The following ZBBX variants were observed in gnomAD, a reference collection of about 807,000 sequenced individuals.
ZBBX encodes zinc finger B-box domain containing.
A neutral mutation model predicts 108.5 loss-of-function variants in ZBBX; 101 were observed. The observed-to-expected ratio is 0.93, with a 90% CI of 0.79 to 1.10. The LOEUF is 1.10. ZBBX is among the 50% of genes least tolerant of loss of function. The pLI, the probability that ZBBX is intolerant of heterozygous loss-of-function variation, is 0.00. For synonymous variants in ZBBX, 356 were observed against 323.4 expected (o/e 1.10, Z -1.08); for missense variants, 1,009 against 941.4 (o/e 1.07, Z -0.94).
chr3:167,391,654 G>A (rs866453316), intron 1 of ZBBX, among the ~76,000 whole-genome samples: 1 of 151,176 alleles, frequency 6.6e-6, no homozygotes, highest in African/African-American at 2.4e-5. Flanking sequence ...TTGCCTTTTT[G>A]GAACATGATT....
At position 167,297,981 on chromosome 3, in the gene ZBBX, T is replaced by C. The variant is rs1054502082; in HGVS notation, c.1879+324A>G. On this transcript the variant is annotated intron_variant, in intron 18 of 21. Transcript: ENST00000675490. ...AAACACCAACCAGATGCTGGCACCA[T>C]ACTACTTATACAGCTTGCAGAACTC... 5.9e-5 allele frequency among the ~76,000 whole-genome samples: 9 copies of C among 152,142 alleles called. 1 individual carries two copies. The highest frequency in any genetic ancestry group is 2.0e-4 in the Admixed American group (3 of 15,260).
intron 1 of ZBBX, among the ~76,000 whole-genome samples, chr3:167,400,013 C>T (rs1435800366): frequency 1.3e-5 from 2 of 152,154 alleles, no homozygotes; most frequent in African/African-American, 4.8e-5. Flanking sequence ...CCAGCTACAA[C>T]CATGTTGCTG....
intron 1 of ZBBX, among the ~76,000 whole-genome samples, chr3:167,387,117 A>G (rs1299991472): frequency 6.6e-6 from 1 of 152,056 alleles, no homozygotes; most frequent in East Asian, 1.9e-4. Flanking sequence ...CCATTTTCAC[A>G]TTAATTCAGA....
chr3:167,347,999 T>C (rs984893454), intron 9 of ZBBX, among the ~76,000 whole-genome samples: 4 of 152,016 alleles, frequency 2.6e-5, no homozygotes, highest in African/African-American at 9.7e-5. Flanking sequence ...ATGTAATCCA[T>C]GTATGCTAAC....
chr3:167,299,489 G>A (rs1206496429), intron 17 of ZBBX, among the ~76,000 whole-genome samples: 1 of 152,040 alleles, frequency 6.6e-6, no homozygotes, highest in East Asian at 1.9e-4. Context: ...ATCTGGAAGA[G>A]TTTTGAATGT....
chr3:167,212,385 A>C, the ZBBX span, among the ~76,000 whole-genome samples: 1 of 152,178 alleles, frequency 6.6e-6, no homozygotes, highest in African/African-American at 2.4e-5. Flanking sequence ...CAAAGACTGT[A>C]GGAACAACTG....
intron 10 of ZBBX, among the ~76,000 whole-genome samples, chr3:167,331,114 C>G (rs1029903907): frequency 1.5e-4 from 23 of 151,956 alleles, no homozygotes; most frequent in South Asian, 2.1e-4. Flanking sequence ...GACTACAGAA[C>G]AGTAGAAAAT....
At chr3:167,366,700 G>GT (rs1163102138) in intron 5 of ZBBX, 3 of 375,656 alleles carry the variant, frequency 8.0e-6, no homozygotes, top group Non-Finnish European at 1.6e-5. Context: ...AGAAAACAAT[G>GT]TAACTATTCT....
chr3:167,259,245 T>C (rs929974915), intron 20 of ZBBX, among the ~76,000 whole-genome samples: 3 of 152,226 alleles, frequency 2.0e-5, no homozygotes, highest in African/African-American at 7.2e-5. Flanking sequence ...CTAGGTTTTC[T>C]AGTTTATGCG....
Position 167,309,888 on chromosome 3 carries a change from C to A in ZBBX, c.1418-3938G>T, listed in dbSNP as rs76792826. Among the ~76,000 whole-genome samples, 743 of 152,308 alleles carry A rather than the reference C, an allele frequency of 4.9e-3. 4 individuals carry two copies. The highest frequency in any genetic ancestry group is 8.1e-3 in the Non-Finnish European group (551 of 68,020). On this transcript the variant is annotated intron_variant, in intron 16 of 21. Coordinates refer to ENST00000675490, the MANE Select transcript of ZBBX (RefSeq NM_001199201.2). ...CCAAAGAATGGGTGTTTCTTTTCTA[C>A]CACATGGTCAGGCTGCAAATTTTCC...
chr3:167,287,262 T>C (rs980776461), intron 19 of ZBBX, among the ~76,000 whole-genome samples: 16 of 152,162 alleles, frequency 1.1e-4, no homozygotes, highest in African/African-American at 3.6e-4. Flanking sequence ...ACACACATTT[T>C]ATATATATCA....
At chr3:167,360,519 G>A (rs905989142) in intron 7 of ZBBX, among the ~76,000 whole-genome samples, 156 bp downstream of exon 7, 3 of 151,694 alleles carry the variant, frequency 2.0e-5, no homozygotes, top group East Asian at 1.9e-4. Context: ...CTAACCACCC[G>A]AATAAAATTT....
intron 20 of ZBBX, among the ~76,000 whole-genome samples, chr3:167,261,355 G>GGGGGA (rs1313548348): frequency 1.8e-4 from 28 of 151,872 alleles, no homozygotes; most frequent in Non-Finnish European, 3.5e-4. Context: ...GTGGTAGTAT[G>GGGGGA]GGGGAGGAAC....
the ZBBX span, among the ~76,000 whole-genome samples, chr3:167,211,509 G>T: frequency 6.6e-6 from 1 of 152,150 alleles, no homozygotes; most frequent in Admixed American, 6.5e-5. Context: ...CCCCTCACAA[G>T]ATAAGACCCA....
At chr3:167,390,273 T>C (rs1228909687) in intron 1 of ZBBX, among the ~76,000 whole-genome samples, 1 of 152,168 alleles carries the variant, frequency 6.6e-6, no homozygotes, top group Non-Finnish European at 1.5e-5. Flanking sequence ...CTGATGGTTG[T>C]AGATATGTGG....
chr3:167,341,249 T>C (rs1446082841), intron 9 of ZBBX, among the ~76,000 whole-genome samples: 2 of 151,898 alleles, frequency 1.3e-5, no homozygotes, highest in African/African-American at 2.4e-5. Flanking sequence ...CTCCTGCTTA[T>C]GAATGCACCT....
At chr3:167,392,948 A>C (rs1301468056) in intron 1 of ZBBX, 4 of 151,898 alleles carry the variant, frequency 2.6e-5, no homozygotes, top group Admixed American at 6.6e-5. Context: ...TAATCATCAT[A>C]CTAAAGGAAC....
chr3:167,218,096 T>C, the ZBBX span, among the ~76,000 whole-genome samples: 65 of 152,060 alleles, frequency 4.3e-4, 1 homozygote, highest in South Asian at 0.013. Flanking sequence ...AACACAAAGG[T>C]GTCTTCTTGA....
chr3:167,344,744 C>T (rs1289625355), intron 9 of ZBBX, among the ~76,000 whole-genome samples: 2 of 151,778 alleles, frequency 1.3e-5, no homozygotes, highest in Non-Finnish European at 2.9e-5. Flanking sequence ...CACCTCATAG[C>T]TCCAGAGCTA....
Sources: allele counts gnomAD v4.1 joint callset (sites outside exome capture counted in the v4.1 genomes callset), GRCh38; gene constraint gnomAD v4.1.1; transcripts MANE v1.5; gene names NCBI Gene and HGNC (gene_info 2026-07-23, HGNC 2026-07-21).